Variants in USP49 observed in about 807,000 individuals in gnomAD.
USP49 encodes ubiquitin specific peptidase 49, also known as ubiquitin carboxyl-terminal hydrolase 49.
Under a neutral mutation model 58.6 loss-of-function variants are expected in USP49, and 24 were observed. That is an observed-to-expected ratio of 0.41 (90% confidence interval 0.30 to 0.58). USP49 has a LOEUF of 0.58. Ranked by LOEUF, USP49 falls within the 20% of genes least tolerant of loss-of-function variation. The pLI is 0.30. For missense variants in USP49, 703 were observed against 866.1 expected (o/e 0.81, Z 2.36); for synonymous variants, 408 against 365.1 (o/e 1.12, Z -1.34).
intron 2 of USP49, among the ~76,000 whole-genome samples, chr6:41,883,876 A>G (rs1774660554): frequency 6.6e-6 from 1 of 152,124 alleles, no homozygotes; most frequent in Non-Finnish European, 1.5e-5. Context: ...ATTCTCAAAC[A>G]TGTCCATAAT....
chr6:41,822,344 T>A (rs1360412695), intron 3 of USP49, among the ~76,000 whole-genome samples: 2 of 152,300 alleles, frequency 1.3e-5, no homozygotes, highest in South Asian at 2.1e-4. Context: ...TTTCTGTGAA[T>A]AGAAAATAAA....
Position 41,792,797 on chromosome 6 carries a change from A to C in USP49, c.*3736T>G, listed in dbSNP as rs1163541189. On this transcript the variant is annotated 3_prime_UTR_variant, in exon 8 of 8. Transcript: ENST00000682992. ...GACCCATTTGCCACTTGAAATGACA[A>C]GAAGAAATCCTTTCCCTTAATCTTT... The C allele has an allele frequency of 6.6e-6, 1 of 152,262 alleles. No homozygotes were observed. Among genetic ancestry groups the C allele is most frequent in the East Asian group, 1.9e-4 (1 of 5,202 alleles). 9.4% of individuals were successfully genotyped at this position (152,262 alleles called of 1,614,324 possible).
intron 4 of USP49, 68 bp downstream of exon 4, chr6:41,805,560 G>C (rs1773097586): frequency 1.3e-6 from 2 of 1,506,844 alleles, no homozygotes; most frequent in South Asian, 1.3e-5. Flanking sequence ...AATAACCCGG[G>C]GAAGGCACTC....
rs1773064785 is a variant in USP49, at chr6:41,803,981, G to A, written c.1386C>T (p.Ser462=). ...GGTCCCAAAAGGGCTCAATGGTATTGGATTTGTAATTGCATGATATACATG... is the reference window on the plus strand; with the variant it reads ...GGTCCCAAAAGGGCTCAATGGTATTAGATTTGTAATTGCATGATATACATG... The part of the protein sequence containing the change: ...QVTCISCNYK[S]NTIEPFWDLS... Residue 462 remains serine (S), a synonymous_variant, in exon 5 of 8, where the codon TCC becomes TCT. Coordinates refer to ENST00000682992, the MANE Select transcript of USP49 (RefSeq NM_001286554.2). The surrounding 1 kb of genome is among the most constrained non-coding windows in gnomAD (Gnocchi z 4.1). 2 of 1,613,940 alleles carry A rather than the reference G, an allele frequency of 1.2e-6. No homozygotes were observed. The highest frequency in any genetic ancestry group is 1.6e-4 in the Middle Eastern group (1 of 6,084).
chr6:41,792,660 A>G lies in USP49; in HGVS notation c.*3873T>C, dbSNP rs1772817483. 1 of 152,270 alleles carries G rather than the reference A, an allele frequency of 6.6e-6. No homozygotes were observed. The highest frequency in any genetic ancestry group is 2.4e-5 in the African/African-American group (1 of 41,466). The allele number at this position is 152,270 out of a possible 1,614,324, so 9.4% of individuals were successfully genotyped here. A position where few individuals can be genotyped will look rare whatever the true frequency, so the allele number is the denominator to read the frequency against. ...AGTCACAAATACAAAGAATTTGGACATTGTAACATAATTTCAGAACTTGCT... is the reference window on the plus strand; with the variant it reads ...AGTCACAAATACAAAGAATTTGGACGTTGTAACATAATTTCAGAACTTGCT... On this transcript the variant is annotated 3_prime_UTR_variant, in exon 8 of 8. Coordinates refer to ENST00000682992, the MANE Select transcript of USP49 (RefSeq NM_001286554.2).
chr6:41,836,948 CAAAGAA>C (rs1773739547), intron 3 of USP49, among the ~76,000 whole-genome samples: 1 of 152,008 alleles, frequency 6.6e-6, no homozygotes, highest in African/African-American at 2.4e-5. Context: ...CAACACTGCT[CAAAGAA>C]ATCAGAGATG....
intron 3 of USP49, among the ~76,000 whole-genome samples, chr6:41,866,278 G>A (rs1347201406): frequency 2.6e-5 from 4 of 151,904 alleles, no homozygotes; most frequent in African/African-American, 9.7e-5. Context: ...TCTATCCTCA[G>A]CACTCAGCCA....
At chr6:41,839,404 C>CAGA (rs1773782452) in intron 3 of USP49, among the ~76,000 whole-genome samples, 1 of 22,234 alleles carries the variant, frequency 4.5e-5, no homozygotes, top group Non-Finnish European at 8.5e-5. Flanking sequence ...GGCCTTGTCT[C>CAGA]AAAAAAAAAA....
rs535449770 is a variant in USP49 at position 41,816,011 on chromosome 6, T to C, written c.-28-9000A>G. Among the ~76,000 whole-genome samples, 9 of 152,386 alleles carry C rather than the reference T, an allele frequency of 5.9e-5. 1 individual carries two copies. Among genetic ancestry groups the C allele is most frequent in the African/African-American group, 2.2e-4 (9 of 41,592 alleles). On this transcript the variant is annotated intron_variant, in intron 3 of 7. Transcript: ENST00000682992. ...TGCCCATGGAAAGGGGCTATCCCTG[T>C]GGCCATGCAGGGAAATGACAAAGGC...
rs1413842615 is a variant in USP49 at position 41,806,640 on chromosome 6, C to T, written c.344G>A (p.Arg115Gln). The T allele has an allele frequency of 1.9e-6, 3 of 1,613,408 alleles. No individual in the cohort carries two copies. In the South Asian group the frequency reaches 3.3e-5, roughly 18 times the overall value. ...ACCCGAAGCCATGGACCGCAGCGTC[C>T]GCCCACGTCTCACCGGCGTGTCCTG... ...QKQDTPVRRGRTLRSMASGED... is the reference protein window; with the variant it reads ...QKQDTPVRRGQTLRSMASGED... Residue 115 changes from arginine (R) to glutamine (Q), a missense_variant, in exon 4 of 8, where the codon CGG becomes CAG. Transcript: ENST00000682992. The surrounding 1 kb of genome is among the most constrained non-coding windows in gnomAD (Gnocchi z 5.9).
intron 3 of USP49, among the ~76,000 whole-genome samples, chr6:41,861,481 C>T (rs1774221541): frequency 1.3e-5 from 2 of 152,078 alleles, no homozygotes; most frequent in Admixed American, 6.6e-5. Context: ...AAGTATAGAA[C>T]ATTAAAATTC....
chr6:41,875,230 T>A (rs1774483204), intron 2 of USP49, among the ~76,000 whole-genome samples: 1 of 151,958 alleles, frequency 6.6e-6, no homozygotes, highest in Non-Finnish European at 1.5e-5. Flanking sequence ...CAAAATATTT[T>A]AATGTATATT....
intron 2 of USP49, among the ~76,000 whole-genome samples, chr6:41,886,754 T>C (rs958408884): frequency 2.0e-5 from 3 of 152,134 alleles, no homozygotes; most frequent in Non-Finnish European, 4.4e-5. Flanking sequence ...AAAAAATTAG[T>C]CGGGCGTGGT....
intron 5 of USP49, among the ~76,000 whole-genome samples, chr6:41,800,326 C>T (rs1772975791): frequency 2.0e-5 from 3 of 152,222 alleles, no homozygotes; most frequent in South Asian, 2.1e-4. Flanking sequence ...GCTTGGGTCA[C>T]TGATGACCAT....
At chr6:41,818,262 T>C (rs939314914) in intron 3 of USP49, among the ~76,000 whole-genome samples, 2 of 152,172 alleles carry the variant, frequency 1.3e-5, no homozygotes, top group Non-Finnish European at 2.9e-5. Context: ...TCCAGGAGGA[T>C]AGCTGACTGG....
chr6:41,802,405 A>ATTTTT lies in USP49; in HGVS notation c.1561+1396_1561+1400dup, dbSNP rs34908974. 1.9e-4 allele frequency among the ~76,000 whole-genome samples: 12 copies of ATTTTT among 64,068 alleles called. 1 individual carries two copies. The highest frequency in any genetic ancestry group is 2.9e-4 in the Non-Finnish European group (8 of 27,162). 42.0% of individuals were successfully genotyped at this position (64,068 alleles called of 152,430 possible). A position where few individuals can be genotyped will look rare whatever the true frequency, so the allele number is the denominator to read the frequency against. The stretch of plus-strand genomic sequence containing the variant: ...AATTTATTTTATTTTATTTTATTTT[A>ATTTTT]TTTTTTATTTTATTTTATTTTATTT... On this transcript the variant is annotated intron_variant, in intron 5 of 7. Coordinates refer to ENST00000682992, the MANE Select transcript of USP49 (RefSeq NM_001286554.2).
chr6:41,796,686 T>A lies in USP49; in HGVS notation c.1914A>T (p.Val638=). 1.4e-6 allele frequency: 1 copy of A among 717,450 alleles called. No individual in the cohort carries two copies. Among genetic ancestry groups the A allele is most frequent in the Non-Finnish European group, 2.6e-6 (1 of 385,108 alleles). 44.4% of individuals were successfully genotyped at this position (717,450 alleles called of 1,614,324 possible). The part of the protein sequence containing the change: ...WVHCNDSKLN[V]CSVEEVCKTQ... ...TTTTGCACACTTCCTCGACACTGCA[T>A]ACATTCAGCTTTGAGTCATTGCAGT... Residue 638 remains valine (V), a synonymous_variant, in exon 8 of 8, where the codon GTA becomes GTT. Coordinates refer to ENST00000682992, the MANE Select transcript of USP49 (RefSeq NM_001286554.2).
At chr6:41,841,332 T>C (rs900042570) in intron 3 of USP49, among the ~76,000 whole-genome samples, 3 of 152,190 alleles carry the variant, frequency 2.0e-5, no homozygotes, top group African/African-American at 7.2e-5. Context: ...GTCCCTGCCT[T>C]CAAGGAGCTT....
At chr6:41,895,239 GC>G (rs1375805924) in intron 1 of USP49, 84 bp downstream of exon 1, 4 of 140,790 alleles carry the variant, frequency 2.8e-5, no homozygotes, top group Non-Finnish European at 6.2e-5. Flanking sequence ...GGCCTCCCCG[GC>G]CCCCGTTCCC....
Sources: gnomAD v4.1 joint callset for allele counts (sites outside exome capture counted in the v4.1 genomes callset) on GRCh38, gnomAD v4.1.1 for gene constraint, Gnocchi (gnomAD v3.1) non-coding constraint, MANE v1.5 for transcripts, NCBI Gene and HGNC (gene_info 2026-07-23, HGNC 2026-07-21) for gene names.